The following ANAPC10 variants were observed in gnomAD, a reference collection of about 807,000 sequenced individuals.
ANAPC10 encodes the protein anaphase-promoting complex subunit 10.
A neutral mutation model predicts 22.0 loss-of-function variants in ANAPC10; 12 were observed. That is an observed-to-expected ratio of 0.55 (90% CI 0.35 to 0.88). The LOEUF is 0.88. Ranked by LOEUF, ANAPC10 falls within the 40% of genes least tolerant of loss-of-function variation. The probability of loss-of-function intolerance (pLI) is 0.01; values close to 1 mark genes in which losing one functional copy is unlikely to be tolerated. For synonymous variants in ANAPC10, 65 were observed against 69.5 expected (o/e 0.94, Z 0.32); for missense variants, 188 against 220.9 (o/e 0.85, Z 0.94).
At chr4:145,073,814 A>G (rs1468667192) in intron 3 of ANAPC10, among the ~76,000 whole-genome samples, 2 of 152,068 alleles carry the variant, frequency 1.3e-5, no homozygotes, top group African/African-American at 2.4e-5. Flanking sequence ...AATCATTTTA[A>G]TATAATTAAA....
At chr4:145,054,636 TGTGTGC>T (rs752606723) in intron 4 of ANAPC10, among the ~76,000 whole-genome samples, 26,278 of 99,832 alleles carry the variant, frequency 0.26, 3,037 homozygotes, top group Admixed American at 0.33. Flanking sequence ...TGTGTGTGTG[TGTGTGC>T]GCGCGCGCGC....
intron 3 of ANAPC10, among the ~76,000 whole-genome samples, chr4:145,065,369 CACAGAGATATT>C: frequency 6.6e-6 from 1 of 152,070 alleles, no homozygotes; most frequent in Non-Finnish European, 1.5e-5. Context: ...AATTAAAACA[CACAGAGATATT>C]AGTTTTATCA....
In ANAPC10 at chr4:145,081,765, A is replaced by G; in HGVS notation, c.116-15T>C. ...CACTCCAAATCCTAAAAACACCAAA[A>G]GTGTCAATAAATCCCTGTGAAAAAG... On this transcript the variant is annotated splice_polypyrimidine_tract_variant and intron_variant, in intron 2 of 4. Transcript: ENST00000507656. 1 of 1,572,806 alleles carries G rather than the reference A, an allele frequency of 6.4e-7. No individual in the cohort carries two copies. Among genetic ancestry groups the G allele is most frequent in the South Asian group, 1.1e-5 (1 of 88,442 alleles).
intron 4 of ANAPC10, among the ~76,000 whole-genome samples, chr4:145,012,616 GT>G (rs1209462527): frequency 1.3e-5 from 2 of 152,146 alleles, no homozygotes; most frequent in South Asian, 2.1e-4. Context: ...ACATAAAGAA[GT>G]AGAAAAATCT....
At chr4:145,022,786 A>C (rs1736138749) in intron 4 of ANAPC10, among the ~76,000 whole-genome samples, 1 of 151,572 alleles carries the variant, frequency 6.6e-6, no homozygotes. Flanking sequence ...CTTTATAAAA[A>C]ACTGCCAAAC....
At chr4:145,054,192 C>G (rs994929341) in intron 4 of ANAPC10, among the ~76,000 whole-genome samples, 6 of 151,160 alleles carry the variant, frequency 4.0e-5, no homozygotes, top group African/African-American at 1.5e-4. Context: ...CAGGCCTGAG[C>G]CACCGTGCCC....
intron 4 of ANAPC10, among the ~76,000 whole-genome samples, chr4:145,001,526 C>T (rs1031176056): frequency 2.0e-5 from 3 of 152,038 alleles, no homozygotes; most frequent in African/African-American, 4.8e-5. Flanking sequence ...AGAGTTTTGA[C>T]GATGTATAGT....
chr4:145,010,430 C>T (rs1448389623), intron 4 of ANAPC10, among the ~76,000 whole-genome samples: 1 of 152,140 alleles, frequency 6.6e-6, no homozygotes, highest in Non-Finnish European at 1.5e-5. Flanking sequence ...ACCCAAATGA[C>T]CATCGGTGAT....
intron 4 of ANAPC10, among the ~76,000 whole-genome samples, chr4:144,997,753 G>C (rs1731847007): frequency 6.6e-6 from 1 of 152,204 alleles, no homozygotes; most frequent in Non-Finnish European, 1.5e-5. Flanking sequence ...ATGTAAATGG[G>C]CTAAATGCTC....
At chr4:145,086,947 G>A (rs1366555575) in intron 2 of ANAPC10, among the ~76,000 whole-genome samples, 1 of 151,830 alleles carries the variant, frequency 6.6e-6, no homozygotes, top group Non-Finnish European at 1.5e-5. Flanking sequence ...CTCTCCATGG[G>A]AGGGATACGA....
At chr4:145,084,590 A>C (rs1560929989) in intron 2 of ANAPC10, among the ~76,000 whole-genome samples, 1 of 152,194 alleles carries the variant, frequency 6.6e-6, no homozygotes, top group Non-Finnish European at 1.5e-5. Context: ...TAAAAAAAAA[A>C]AAATTCATAA....
intron 2 of ANAPC10, among the ~76,000 whole-genome samples, chr4:145,083,858 A>T (rs183476240): frequency 3.9e-5 from 6 of 152,348 alleles, no homozygotes; most frequent in Non-Finnish European, 8.8e-5. Flanking sequence ...AGATTAAAAA[A>T]ATTGTATTTC....
intron 4 of ANAPC10, among the ~76,000 whole-genome samples, chr4:145,031,577 T>C (rs1305559174): frequency 6.6e-6 from 1 of 152,166 alleles, no homozygotes; most frequent in African/African-American, 2.4e-5. Context: ...GCTGACAGTT[T>C]TGAGTGGGGT....
At chr4:145,009,677 T>C (rs1443251919) in intron 4 of ANAPC10, among the ~76,000 whole-genome samples, 1 of 152,108 alleles carries the variant, frequency 6.6e-6, no homozygotes, top group Non-Finnish European at 1.5e-5. Flanking sequence ...TAATTCAAGA[T>C]GGATTAAAGA....
At chr4:145,048,204 A>G (rs1281489160) in intron 4 of ANAPC10, among the ~76,000 whole-genome samples, 1 of 152,184 alleles carries the variant, frequency 6.6e-6, no homozygotes, top group African/African-American at 2.4e-5. Flanking sequence ...AATTGCACAA[A>G]TATTAACTGA....
At chr4:145,093,427 A>G (rs1274942965) in intron 2 of ANAPC10, among the ~76,000 whole-genome samples, 1 of 152,078 alleles carries the variant, frequency 6.6e-6, no homozygotes, top group Non-Finnish European at 1.5e-5. Context: ...TAATCTGCAC[A>G]TATTTGGCAC....
intron 3 of ANAPC10, 171 bp downstream of exon 3, chr4:145,081,484 AGTAAC>A: frequency 2.1e-6 from 1 of 466,164 alleles, no homozygotes; most frequent in Non-Finnish European, 3.8e-6. Flanking sequence ...AATAAGACAG[AGTAAC>A]TTTAAAATGC....
At chr4:145,092,419 G>A (rs1270263099) in intron 2 of ANAPC10, among the ~76,000 whole-genome samples, 1 of 152,044 alleles carries the variant, frequency 6.6e-6, no homozygotes, top group South Asian at 2.1e-4. Flanking sequence ...TCCAGGAATG[G>A]GGCAGCCCCC....
intron 3 of ANAPC10, among the ~76,000 whole-genome samples, chr4:145,071,734 T>C (rs1744518424): frequency 1.3e-5 from 2 of 152,062 alleles, no homozygotes; most frequent in South Asian, 2.1e-4. Flanking sequence ...GGTACTACCA[T>C]GTAAAAAAGA....
Sources: allele counts gnomAD v4.1 joint callset (sites outside exome capture counted in the v4.1 genomes callset), GRCh38; gene constraint gnomAD v4.1.1; transcripts MANE v1.5; gene names NCBI Gene and HGNC (gene_info 2026-07-23, HGNC 2026-07-21).